Variants in CPQ observed in about 807,000 individuals in gnomAD.
The protein encoded by CPQ is carboxypeptidase Q.
A neutral mutation model predicts 45.7 loss-of-function variants in CPQ; 37 were observed. The ratio of observed to expected loss-of-function variants is 0.81; its 90% CI spans 0.62 to 1.07. The LOEUF is 1.07. CPQ is among the 50% of genes least tolerant of loss of function. The pLI is 0.00. For missense variants in CPQ, 537 were observed against 572.9 expected, an observed-to-expected ratio of 0.94 and a Z score of 0.64; for synonymous variants, 186 against 205.8, an observed-to-expected ratio of 0.90 and a Z score of 0.82.
At chr8:96,940,570 G>A (rs1813112213) in intron 4 of CPQ, among the ~76,000 whole-genome samples, 1 of 152,160 alleles carries the variant, frequency 6.6e-6, no homozygotes. Flanking sequence ...GCCTGCAAAT[G>A]GGATGATGAG....
At chr8:97,100,368 T>C (rs996051284) in intron 7 of CPQ, among the ~76,000 whole-genome samples, 2 of 152,060 alleles carry the variant, frequency 1.3e-5, no homozygotes, top group African/African-American at 2.4e-5. Flanking sequence ...AGACTTCCAA[T>C]AGGTGGAGGA....
intron 1 of CPQ, among the ~76,000 whole-genome samples, chr8:96,756,997 G>A (rs1586388551): frequency 6.6e-6 from 1 of 152,006 alleles, no homozygotes; most frequent in East Asian, 1.9e-4. Context: ...TTCTGAAAAT[G>A]TATTTATTTT....
chr8:96,884,842 C>T (rs1173063200), intron 4 of CPQ, among the ~76,000 whole-genome samples: 1 of 152,140 alleles, frequency 6.6e-6, no homozygotes, highest in Non-Finnish European at 1.5e-5. Context: ...CTGCCTGACA[C>T]AACCTTGCTA....
intron 5 of CPQ, among the ~76,000 whole-genome samples, chr8:96,973,316 A>T (rs1813714115): frequency 6.6e-6 from 1 of 152,082 alleles, no homozygotes; most frequent in South Asian, 2.1e-4. Flanking sequence ...TCTGTCAAAG[A>T]CAAAGAAAAA....
At chr8:97,114,391 T>C (rs2130597923) in intron 7 of CPQ, among the ~76,000 whole-genome samples, 1 of 152,294 alleles carries the variant, frequency 6.6e-6, no homozygotes, top group East Asian at 1.9e-4. Flanking sequence ...TATTTGCATA[T>C]CTTCTTGAAC....
chr8:96,904,788 C>A (rs1372114782), intron 4 of CPQ, among the ~76,000 whole-genome samples: 1 of 152,154 alleles, frequency 6.6e-6, no homozygotes, highest in African/African-American at 2.4e-5. Flanking sequence ...CTGCCAGTTG[C>A]ACAACTCCAA....
At chr8:97,105,701 C>T (rs909188516) in intron 7 of CPQ, among the ~76,000 whole-genome samples, 2 of 152,124 alleles carry the variant, frequency 1.3e-5, no homozygotes, top group African/African-American at 4.8e-5. Context: ...GCATTGGTCA[C>T]GTGGATCTTC....
intron 4 of CPQ, among the ~76,000 whole-genome samples, chr8:96,905,134 G>A (rs1369957263): frequency 6.6e-6 from 1 of 152,116 alleles, no homozygotes; most frequent in Non-Finnish European, 1.5e-5. Context: ...CCAAGGGGAA[G>A]CAAGGCACAT....
intron 7 of CPQ, among the ~76,000 whole-genome samples, chr8:97,136,566 T>A (rs2130628788): frequency 6.6e-6 from 1 of 152,320 alleles, no homozygotes; most frequent in Non-Finnish European, 1.5e-5. Context: ...GAATTTGAAT[T>A]TGAACCCAGC....
At chr8:96,895,706 C>T (rs1253166383) in intron 4 of CPQ, among the ~76,000 whole-genome samples, 1 of 152,174 alleles carries the variant, frequency 6.6e-6, no homozygotes, top group African/African-American at 2.4e-5. Flanking sequence ...GAGATGACCA[C>T]TGTGGCCATG....
intron 4 of CPQ, among the ~76,000 whole-genome samples, chr8:96,946,011 TTGA>T (rs1401159763): frequency 1.3e-5 from 2 of 152,192 alleles, no homozygotes; most frequent in African/African-American, 2.4e-5. Flanking sequence ...TGCTGACCTG[TTGA>T]TGATACCAGC....
At chr8:96,655,134 T>C (rs1019216200) in intron 1 of CPQ, among the ~76,000 whole-genome samples, 1 of 152,146 alleles carries the variant, frequency 6.6e-6, no homozygotes, top group Non-Finnish European at 1.5e-5. Flanking sequence ...AGGGTTATTT[T>C]TTCTGTTTCC....
intron 4 of CPQ, among the ~76,000 whole-genome samples, chr8:96,908,037 T>A (rs962454414): frequency 2.0e-5 from 3 of 151,948 alleles, no homozygotes; most frequent in African/African-American, 7.3e-5. Context: ...TACTGATGGT[T>A]CCCAAGGCTC....
intron 4 of CPQ, among the ~76,000 whole-genome samples, chr8:96,946,954 C>CAA (rs1813196964): frequency 1.3e-5 from 2 of 152,114 alleles, no homozygotes; most frequent in African/African-American, 4.8e-5. Context: ...CATCATGTGT[C>CAA]AGTCCCTGGA....
chr8:96,871,272 A>T (rs1049823941), intron 3 of CPQ, among the ~76,000 whole-genome samples: 12 of 152,066 alleles, frequency 7.9e-5, no homozygotes, highest in Non-Finnish European at 1.5e-4. Flanking sequence ...ACATTAACAG[A>T]TGTATTGGAA....
chr8:96,762,540 G>A (rs1453973372), intron 1 of CPQ, among the ~76,000 whole-genome samples: 1 of 152,082 alleles, frequency 6.6e-6, no homozygotes, highest in African/African-American at 2.4e-5. Flanking sequence ...ATTCTTTGGG[G>A]TGGCACATTC....
chr8:97,137,030 C>T (rs992180711), intron 7 of CPQ, among the ~76,000 whole-genome samples: 2 of 152,154 alleles, frequency 1.3e-5, no homozygotes, highest in Non-Finnish European at 2.9e-5. Flanking sequence ...AGCCAGCCAG[C>T]GGGCCCACCC....
chr8:96,669,007 T>C (rs759548635), intron 1 of CPQ, among the ~76,000 whole-genome samples: 3 of 152,246 alleles, frequency 2.0e-5, no homozygotes, highest in Non-Finnish European at 4.4e-5. Flanking sequence ...CCCACCCTTA[T>C]GTATTCAGCA....
In CPQ at chr8:97,003,566, G is replaced by A. The variant is rs73695752; in HGVS notation, c.962-25837G>A. On this transcript the variant is annotated intron_variant, in intron 5 of 7. Coordinates refer to ENST00000220763, the MANE Select transcript of CPQ (RefSeq NM_016134.4). ...GGGGACCCATCACTAGATTTGCACT[G>A]TGAGGTTACCTATGCTCCATTTCTC... Among the ~76,000 whole-genome samples, 407 of 152,278 alleles carry A rather than the reference G, an allele frequency of 2.7e-3. 4 individuals carry two copies. Among genetic ancestry groups the A allele is most frequent in the African/African-American group, 9.5e-3 (395 of 41,552 alleles).
Sources: allele counts gnomAD v4.1 joint callset (sites outside exome capture counted in the v4.1 genomes callset), GRCh38; gene constraint gnomAD v4.1.1; transcripts MANE v1.5; gene names NCBI Gene and HGNC (gene_info 2026-07-23, HGNC 2026-07-21).